Variants in NAALADL2 observed in about 807,000 individuals in gnomAD.
NAALADL2 encodes the protein inactive N-acetylated-alpha-linked acidic dipeptidase-like protein 2.
In NAALADL2, 76 loss-of-function variants were observed where a neutral mutation model predicts 87.2. The ratio of observed to expected loss-of-function variants is 0.87; its 90% CI spans 0.72 to 1.05. The LOEUF is 1.05. NAALADL2 is among the 50% of genes least tolerant of loss of function. The pLI, the probability that NAALADL2 is intolerant of heterozygous loss-of-function variation, is 0.00. For missense variants in NAALADL2, 1,089 were observed against 945.8 expected (o/e 1.15, Z -1.99); for synonymous variants, 354 against 331.0 (o/e 1.07, Z -0.75).
chr3:174,902,453 T>A (rs1732431112), intron 1 of NAALADL2, among the ~76,000 whole-genome samples: 1 of 152,022 alleles, frequency 6.6e-6, no homozygotes, highest in African/African-American at 2.4e-5. Context: ...GGGGTGGGGT[T>A]TAACTAAAAT....
At chr3:175,697,347 C>A (rs964173797) in intron 11 of NAALADL2, among the ~76,000 whole-genome samples, 1 of 151,288 alleles carries the variant, frequency 6.6e-6, no homozygotes, top group Non-Finnish European at 1.5e-5. Context: ...GCCTTACTAC[C>A]CCTTTTCTGT....
At chr3:175,039,916 G>T (rs1483300719) in intron 1 of NAALADL2, among the ~76,000 whole-genome samples, 1 of 151,866 alleles carries the variant, frequency 6.6e-6, no homozygotes, top group Non-Finnish European at 1.5e-5. Context: ...ATACAAATTT[G>T]TACAAGATTA....
chr3:175,731,146 G>A lies in NAALADL2; in HGVS notation c.1897-6160G>A, dbSNP rs78578985. Reference sequence around the variant, plus strand: ...TTTTCTAGATTCTGACTTAAACCTCGTGTTATAGCAAAAAAAGTAGCACAG... The same window carrying A: ...TTTTCTAGATTCTGACTTAAACCTCATGTTATAGCAAAAAAAGTAGCACAG... On this transcript the variant is annotated intron_variant, in intron 11 of 13. Transcript: ENST00000454872. 3.0e-4 allele frequency among the ~76,000 whole-genome samples: 46 copies of A among 152,212 alleles called. No individual in the cohort carries two copies. The East Asian group carries it at 5.2e-3, about 17-fold the overall frequency.
chr3:175,624,431 A>C lies in NAALADL2; in HGVS notation c.1801-2860A>C, dbSNP rs141209136. 3.9e-5 allele frequency among the ~76,000 whole-genome samples: 6 copies of C among 152,178 alleles called. No individual in the cohort carries two copies. The East Asian group carries it at 1.2e-3, about 29-fold the overall frequency. On this transcript the variant is annotated intron_variant, in intron 10 of 13. Coordinates refer to ENST00000454872, the MANE Select transcript of NAALADL2 (RefSeq NM_207015.3). Reference sequence around the variant, plus strand: ...TATTTAATATTTATTAAGAAAGCTTAATAGCTTGGCGATATCTATTCACTC... The same window carrying C: ...TATTTAATATTTATTAAGAAAGCTTCATAGCTTGGCGATATCTATTCACTC...
chr3:174,717,525 C>T (rs933185617), intron 2 of NAALADL2, among the ~76,000 whole-genome samples: 11 of 152,174 alleles, frequency 7.2e-5, no homozygotes, highest in Non-Finnish European at 1.6e-4. Context: ...CTTAATCCTT[C>T]AGTTTAGTAG....
chr3:175,016,852 T>G (rs1297412208), intron 1 of NAALADL2, among the ~76,000 whole-genome samples: 2 of 152,056 alleles, frequency 1.3e-5, no homozygotes, highest in African/African-American at 4.8e-5. Flanking sequence ...ACATTCATAT[T>G]ATGTGTAATA....
intron 2 of NAALADL2, among the ~76,000 whole-genome samples, chr3:174,628,391 C>T (rs933704880): frequency 2.1e-5 from 3 of 145,704 alleles, no homozygotes; most frequent in African/African-American, 7.7e-5. Flanking sequence ...GTGAGAGAAT[C>T]GCTTGAACCC....
rs148729820 is a variant in NAALADL2 at position 175,385,543 on chromosome 3, A to G, written c.1090+61218A>G. Among the ~76,000 whole-genome samples the G allele has an allele frequency of 4.7e-3, 709 of 152,260 alleles. 12 individuals carry two copies. Among genetic ancestry groups the G allele is most frequent in the Admixed American group, 0.037 (562 of 15,272 alleles). ...GTACAATTATACACTTACAAGAAAG[A>G]AGACTTGGTGTTCAATAGATTAGCA... On this transcript the variant is annotated intron_variant, in intron 5 of 13. Transcript: ENST00000454872.
intron 11 of NAALADL2, among the ~76,000 whole-genome samples, chr3:175,673,539 A>AT (rs1352870578): frequency 2.8e-5 from 4 of 142,964 alleles, no homozygotes; most frequent in African/African-American, 8.9e-5. Context: ...TTTTTTTTGT[A>AT]TTTTTTGTGT....
At chr3:175,711,851 A>G (rs1740572114) in intron 11 of NAALADL2, among the ~76,000 whole-genome samples, 1 of 151,930 alleles carries the variant, frequency 6.6e-6, no homozygotes, top group African/African-American at 2.4e-5. Flanking sequence ...AAATGAGATT[A>G]GTGTTTATTT....
At chr3:175,442,006 A>T (rs1419463567) in intron 5 of NAALADL2, among the ~76,000 whole-genome samples, 1 of 151,988 alleles carries the variant, frequency 6.6e-6, no homozygotes, top group Non-Finnish European at 1.5e-5. Context: ...CAGTGGTGCA[A>T]TCTCAGCTCA....
In NAALADL2 at chr3:174,901,457, T is replaced by G. The variant is rs544747396; in HGVS notation, c.43+42007T>G. On this transcript the variant is annotated intron_variant, in intron 1 of 13. Coordinates refer to ENST00000454872, the MANE Select transcript of NAALADL2 (RefSeq NM_207015.3). ...AGTAGGCTTTAGGATATTGTAAGCT[T>G]CATTAGGGGCTGGGCTTCTAGTAAT... Among the ~76,000 whole-genome samples the G allele has an allele frequency of 3.3e-5, 5 of 152,248 alleles. No individual in the cohort carries two copies. The South Asian group carries it at 1.0e-3, about 32-fold the overall frequency.
chr3:174,998,167 A>G (rs1747775665), intron 1 of NAALADL2, among the ~76,000 whole-genome samples: 1 of 152,216 alleles, frequency 6.6e-6, no homozygotes, highest in African/African-American at 2.4e-5. Flanking sequence ...TATGTTAGGC[A>G]TTATGCTTTG....
At chr3:175,323,369 G>A (rs553558126) in intron 4 of NAALADL2, among the ~76,000 whole-genome samples, 1 of 146,996 alleles carries the variant, frequency 6.8e-6, no homozygotes, top group Non-Finnish European at 1.5e-5. Flanking sequence ...GGATAGCATT[G>A]GGAGATATAT....
chr3:175,600,280 A>G (rs1471635191), intron 10 of NAALADL2, among the ~76,000 whole-genome samples: 1 of 151,818 alleles, frequency 6.6e-6, no homozygotes, highest in Non-Finnish European at 1.5e-5. Flanking sequence ...TTTTAAATGT[A>G]TGTACATACA....
chr3:175,695,072 A>G (rs1225086912), intron 11 of NAALADL2, among the ~76,000 whole-genome samples: 1 of 122,248 alleles, frequency 8.2e-6, no homozygotes, highest in African/African-American at 2.7e-5. Context: ...TAGGTGCTTG[A>G]AAAAAAAAAA....
intron 4 of NAALADL2, among the ~76,000 whole-genome samples, chr3:175,264,383 T>A (rs527856668): frequency 4.6e-5 from 7 of 151,958 alleles, no homozygotes; most frequent in African/African-American, 1.7e-4. Flanking sequence ...AATATCTGTA[T>A]GAGGTTCTAA....
intron 2 of NAALADL2, among the ~76,000 whole-genome samples, chr3:175,227,129 T>C (rs1179132159): frequency 6.6e-6 from 1 of 152,080 alleles, no homozygotes; most frequent in African/African-American, 2.4e-5. Context: ...TGTGTACTTC[T>C]AGTTCATCGT....
At chr3:175,129,723 G>A (rs944876552) in intron 2 of NAALADL2, among the ~76,000 whole-genome samples, 16 of 152,028 alleles carry the variant, frequency 1.1e-4, no homozygotes, top group Admixed American at 2.6e-4. Flanking sequence ...TTCATCCGTT[G>A]ACAGACATTT....
Sources: gnomAD v4.1 joint callset for allele counts (sites outside exome capture counted in the v4.1 genomes callset) on GRCh38, gnomAD v4.1.1 for gene constraint, MANE v1.5 for transcripts, NCBI Gene and HGNC (gene_info 2026-07-23, HGNC 2026-07-21) for gene names.